The following OLFM1 variants were observed in gnomAD, a reference collection of about 807,000 sequenced individuals.
OLFM1 encodes noelin.
OLFM1 carries 9 observed loss-of-function variants against 49.7 expected under a neutral mutation model. That is an observed-to-expected ratio of 0.18 (90% CI 0.11 to 0.32). OLFM1 has a LOEUF of 0.32. OLFM1 is among the 10% of genes least tolerant of loss of function. The pLI is 1.00. For missense variants in OLFM1, 369 were observed against 661.8 expected (o/e 0.56, Z 4.85); for synonymous variants, 240 against 271.8 (o/e 0.88, Z 1.15).
intron 4 of OLFM1, chr9:135,106,178 C>T (rs111289983): frequency 0.022 from 3,411 of 153,188 alleles, 88 homozygotes; most frequent in African/African-American, 0.069. Flanking sequence ...AGCGCGCAGG[C>T]TCTTCCTGCG....
At position 135,098,485 on chromosome 9, in the gene OLFM1, G is replaced by A. The variant is rs765575294; in HGVS notation, c.656G>A (p.Arg219His). Residue 219 changes from arginine (R) to histidine (H), a missense_variant, in exon 4 of 6, where the codon CGT becomes CAT. Arg to His is a conservative substitution (Grantham distance 29, BLOSUM62 0). This residue lies in a region of OLFM1 where 294 missense variants were observed against 567.5 expected (regional missense o/e 0.52). Coordinates refer to ENST00000371793, the MANE Select transcript of OLFM1 (RefSeq NM_001282611.2). This position sits in a 1 kb window ranked among gnomAD's most constrained non-coding sequence, Gnocchi z 5.6. The part of the protein sequence containing the change: ...SRVSNLEERL[R>H]ACMQKLACGK... ...GTGTCCAATCTTGAAGAAAGGCTCC[G>A]TGCATGCATGCAAAAACTAGGTAGG... 4 of 1,613,540 alleles carry A rather than the reference G, an allele frequency of 2.5e-6. No individual in the cohort carries two copies. Among genetic ancestry groups the A allele is most frequent in the Middle Eastern group, 1.6e-4 (1 of 6,080 alleles).
chr9:135,076,839 A>G (rs1440451485), intron 1 of OLFM1: 7 of 1,549,376 alleles, frequency 4.5e-6, no homozygotes, highest in African/African-American at 1.4e-5. Context: ...AGCAGAGAAG[A>G]TGGGAGGGCC....
upstream of OLFM1, among the ~76,000 whole-genome samples, chr9:135,087,069 G>A (rs1830607058): frequency 1.3e-5 from 2 of 152,218 alleles, no homozygotes; most frequent in South Asian, 2.1e-4. Flanking sequence ...CAGGAGTGCC[G>A]GTTGGCTCCC....
intron 4 of OLFM1, among the ~76,000 whole-genome samples, chr9:135,102,911 C>A (rs1046389129): frequency 6.6e-6 from 1 of 152,152 alleles, no homozygotes; most frequent in East Asian, 1.9e-4. Flanking sequence ...GGCATCTCCC[C>A]GGGCCTGTTC....
intron 5 of OLFM1, among the ~76,000 whole-genome samples, chr9:135,112,314 A>C (rs1390140836): frequency 6.6e-6 from 1 of 152,204 alleles, no homozygotes; most frequent in South Asian, 2.1e-4. Context: ...CTGCTGTCTA[A>C]GGTCCCTGTT....
chr9:135,099,722 G>A (rs755748896), intron 4 of OLFM1, among the ~76,000 whole-genome samples: 16 of 152,304 alleles, frequency 1.1e-4, no homozygotes, highest in East Asian at 1.9e-4. Flanking sequence ...TGTGTCTCAC[G>A]GGGGCTGCTA....
At chr9:135,114,926 G>T (rs11787860) in intron 5 of OLFM1, among the ~76,000 whole-genome samples, 3 of 151,988 alleles carry the variant, frequency 2.0e-5, no homozygotes, top group African/African-American at 7.3e-5. Flanking sequence ...CTTCGCACGC[G>T]GCACAGTGTG....
At chr9:135,099,911 A>C (rs1327547876) in intron 4 of OLFM1, among the ~76,000 whole-genome samples, 3 of 152,120 alleles carry the variant, frequency 2.0e-5, no homozygotes, top group African/African-American at 7.2e-5. Context: ...TGTGAATGTT[A>C]ATGATGATAG....
chr9:135,098,607 C>A lies in OLFM1; in HGVS notation c.676+102C>A, dbSNP rs557462420. The A allele has an allele frequency of 3.7e-6, 4 of 1,074,386 alleles. No individual in the cohort carries two copies. Among genetic ancestry groups the A allele is most frequent in the Non-Finnish European group, 5.5e-6 (4 of 727,642 alleles). 66.6% of individuals were successfully genotyped at this position (1,074,386 alleles called of 1,614,324 possible). ...GAAGTGGACAGCGCCCGCCTGGCTT[C>A]GCGAGGTGATGGCTGGATTAGGGCT... On this transcript the variant is annotated intron_variant, in intron 4 of 5. Transcript: ENST00000371793. The surrounding 1 kb of genome is among the most constrained non-coding windows in gnomAD (Gnocchi z 5.6).
At position 135,080,472 on chromosome 9, in the gene OLFM1, A is replaced by G. The variant is rs575319910; in HGVS notation, c.96+4670A>G. On this transcript the variant is annotated intron_variant, in intron 1 of 5. Transcript: ENST00000252854. This position sits in a 1 kb window ranked among gnomAD's most constrained non-coding sequence, Gnocchi z 4.5. ...GCTGGCAATGCCTCTGGACACACGG[A>G]GGGAGAGGGGCACCCTCCCCTTTCC... Among the ~76,000 whole-genome samples, 61 of 152,250 alleles carry G rather than the reference A, an allele frequency of 4.0e-4. No individual in the cohort carries two copies. The highest frequency in any genetic ancestry group is 7.6e-4 in the Non-Finnish European group (52 of 68,016).
chr9:135,076,443 A>G, intron 1 of OLFM1: 1 of 1,446,562 alleles, frequency 6.9e-7, no homozygotes, highest in Non-Finnish European at 9.1e-7. Flanking sequence ...GGGCATTTCA[A>G]ACGGGCTTGT....
intron 5 of OLFM1, among the ~76,000 whole-genome samples, chr9:135,115,892 T>C (rs1216946490): frequency 2.0e-5 from 3 of 152,236 alleles, no homozygotes; most frequent in Non-Finnish European, 4.4e-5. Flanking sequence ...GCACAGTGAA[T>C]GCCCTGAGTA....
intron 4 of OLFM1, among the ~76,000 whole-genome samples, chr9:135,101,926 G>A (rs1830875988): frequency 6.6e-6 from 1 of 152,226 alleles, no homozygotes; most frequent in Non-Finnish European, 1.5e-5. Flanking sequence ...CTGGCACTCT[G>A]GTGCTAAAGG....
At chr9:135,090,125 G>A in intron 1 of OLFM1, 70 bp from the exon 2 acceptor site, 1 of 1,404,358 alleles carries the variant, frequency 7.1e-7, no homozygotes, top group Non-Finnish European at 9.7e-7. Context: ...CTGGTTGTTG[G>A]CTCTGATACA....
intron 2 of OLFM1, among the ~76,000 whole-genome samples, chr9:135,095,515 C>CAAA (rs145823718): frequency 7.5e-5 from 9 of 119,278 alleles, no homozygotes; most frequent in South Asian, 3.1e-4. Flanking sequence ...CCACCACTAC[C>CAAA]AAAAAAAAAA....
chr9:135,100,659 G>C (rs1250201741), intron 4 of OLFM1, among the ~76,000 whole-genome samples: 1 of 152,210 alleles, frequency 6.6e-6, no homozygotes, highest in African/African-American at 2.4e-5. Context: ...AGTTTTGTAA[G>C]GTAGTAAATG....
In OLFM1 at chr9:135,090,209, C is replaced by T; in HGVS notation, c.165C>T (p.Asn55=). The change falls in exon 2 of 6, where the codon AAC becomes AAT. Residue 55 remains asparagine (N), a synonymous_variant. Coordinates refer to ENST00000371793, the MANE Select transcript of OLFM1 (RefSeq NM_001282611.2). The part of the protein sequence containing the change: ...LDRSTGVLPT[N]PEESWQVYSS... ...CCCCTCTCCAGGTGCTGCCCACCAA[C>T]CCTGAGGAGAGCTGGCAGGTGTACA... is the stretch of plus-strand genomic sequence containing the variant. 3 of 1,612,184 alleles carry T rather than the reference C, an allele frequency of 1.9e-6. No individual in the cohort carries two copies. In the South Asian group the frequency reaches 3.3e-5, roughly 18 times the overall value.
At chr9:135,076,965 C>T (rs1830474670) in intron 1 of OLFM1, 1 of 1,550,510 alleles carries the variant, frequency 6.4e-7, no homozygotes, top group Admixed American at 2.0e-5. Flanking sequence ...AAATCCCAAT[C>T]CAGCAGTGGG....
At chr9:135,114,203 C>A (rs543449371) in intron 5 of OLFM1, among the ~76,000 whole-genome samples, 1 of 129,450 alleles carries the variant, frequency 7.7e-6, no homozygotes, top group Non-Finnish European at 1.6e-5. Context: ...TGCAGTGGTG[C>A]GATCTCGGCT....
Sources: gnomAD v4.1 joint callset for allele counts (sites outside exome capture counted in the v4.1 genomes callset) on GRCh38, gnomAD v4.1.1 for gene constraint, gnomAD v4.1.1 regional missense constraint, Gnocchi (gnomAD v3.1) non-coding constraint, MANE v1.5 for transcripts, NCBI Gene and HGNC (gene_info 2026-07-23, HGNC 2026-07-21) for gene names.